Variants in PTPRN2 observed in about 807,000 individuals in gnomAD.
The protein encoded by PTPRN2 is receptor-type tyrosine-protein phosphatase N2.
PTPRN2 carries 74 observed loss-of-function variants against 118.8 expected under a neutral mutation model. The ratio of observed to expected loss-of-function variants is 0.62; its 90% confidence interval spans 0.52 to 0.76. The LOEUF is 0.76. Among genes scored for constraint, PTPRN2 ranks in the 30% least tolerant of loss-of-function variants. PTPRN2 has a pLI of 0.00. For missense variants in PTPRN2, 1,481 were observed against 1,394.4 expected (o/e 1.06, Z -0.99); for synonymous variants, 641 against 608.0 (o/e 1.05, Z -0.80).
intron 9 of PTPRN2, among the ~76,000 whole-genome samples, chr7:158,125,411 CCAG>C (rs980928104): frequency 2.6e-5 from 4 of 152,224 alleles, no homozygotes; most frequent in Non-Finnish European, 5.9e-5. Flanking sequence ...ACGGCCGCTC[CCAG>C]CAGGATGGGC....
intron 19 of PTPRN2, among the ~76,000 whole-genome samples, chr7:157,575,811 TTCC>T (rs1385006668): frequency 6.6e-6 from 1 of 152,246 alleles, no homozygotes; most frequent in Admixed American, 6.5e-5. Flanking sequence ...TTTGTCTCTT[TTCC>T]TCAATAGGTA....
chr7:158,314,323 T>C (rs1802111795), intron 3 of PTPRN2, among the ~76,000 whole-genome samples: 1 of 152,140 alleles, frequency 6.6e-6, no homozygotes, highest in African/African-American at 2.4e-5. Context: ...CTCAAGATAA[T>C]AAAGTGAAGG....
At chr7:157,914,903 T>C (rs1369135859) in intron 11 of PTPRN2, among the ~76,000 whole-genome samples, 2 of 152,146 alleles carry the variant, frequency 1.3e-5, no homozygotes, top group Non-Finnish European at 2.9e-5. Context: ...ATACTTTACT[T>C]CTCTAATTCT....
At chr7:158,335,400 G>A (rs1805365663) in intron 2 of PTPRN2, among the ~76,000 whole-genome samples, 3 of 17,510 alleles carry the variant, frequency 1.7e-4, no homozygotes, top group Non-Finnish European at 5.0e-4. Flanking sequence ...GACACCTGCA[G>A]ACGTCACTCA....
At chr7:157,642,814 C>CGAAAA (rs1804758074) in intron 14 of PTPRN2, among the ~76,000 whole-genome samples, 1 of 24,204 alleles carries the variant, frequency 4.1e-5, no homozygotes, top group Non-Finnish European at 8.4e-5. Context: ...CAAGAAACAG[C>CGAAAA]AAAAAAAAAA....
intron 12 of PTPRN2, among the ~76,000 whole-genome samples, chr7:157,888,383 C>T (rs1468244501): frequency 1.6e-4 from 24 of 152,122 alleles, no homozygotes; most frequent in Admixed American, 1.5e-3. Flanking sequence ...GTGATCTCTT[C>T]CTTCAGATAC....
chr7:157,598,920 A>G lies in PTPRN2; in HGVS notation c.2419-3605T>C, dbSNP rs1325285071. Among the ~76,000 whole-genome samples the G allele has an allele frequency of 2.0e-5, 3 of 152,214 alleles. No individual in the cohort carries two copies. Among genetic ancestry groups the G allele is most frequent in the Non-Finnish European group, 4.4e-5 (3 of 68,034 alleles). On this transcript the variant is annotated intron_variant, in intron 16 of 22. Transcript: ENST00000389418. The surrounding 1 kb of genome is among the most constrained non-coding windows in gnomAD (Gnocchi z 5.2). ...ACACATCCCGCCTAGAGAGGCCGGT[A>G]CCACAGAGAATCCAGTGTGACTCAC... is the stretch of plus-strand genomic sequence containing the variant.
At chr7:157,913,070 T>C (rs917295119) in intron 11 of PTPRN2, among the ~76,000 whole-genome samples, 1 of 152,236 alleles carries the variant, frequency 6.6e-6, no homozygotes, top group South Asian at 2.1e-4. Flanking sequence ...AACATGTAAA[T>C]CTCTCCATTT....
rs1054283283 is a variant in PTPRN2, at chr7:157,676,825, G to A, written c.2001+5900C>T. ...AGGGGGTGCCTAGGAACAGGGGCTC[G>A]GAAGGACCTGCTGTGCATGCAGGGG... is the stretch of plus-strand genomic sequence containing the variant. On this transcript the variant is annotated intron_variant, in intron 13 of 22. Coordinates refer to ENST00000389418, the MANE Select transcript of PTPRN2 (RefSeq NM_002847.5). This position sits in a 1 kb window ranked among gnomAD's most constrained non-coding sequence, Gnocchi z 5.6. Among the ~76,000 whole-genome samples, 6 of 152,180 alleles carry A rather than the reference G, an allele frequency of 3.9e-5. No individual in the cohort carries two copies. The highest frequency in any genetic ancestry group is 6.5e-5 in the Admixed American group (1 of 15,280).
intron 10 of PTPRN2, among the ~76,000 whole-genome samples, chr7:158,107,723 G>A (rs567895780): frequency 1.5e-4 from 23 of 152,194 alleles, no homozygotes; most frequent in African/African-American, 5.5e-4. Context: ...GTCACCCAGT[G>A]GCCACCCACT....
intron 2 of PTPRN2, among the ~76,000 whole-genome samples, chr7:158,433,802 T>A (rs1816390676): frequency 2.0e-5 from 3 of 152,200 alleles, no homozygotes; most frequent in Admixed American, 1.3e-4. Flanking sequence ...TCTTTTCTAA[T>A]AAAAGCATCT....
chr7:157,804,404 G>A (rs1434079996), intron 12 of PTPRN2, among the ~76,000 whole-genome samples: 1 of 152,204 alleles, frequency 6.6e-6, no homozygotes, highest in Non-Finnish European at 1.5e-5. Context: ...GTCAGACCAA[G>A]TTCTAGGGAC....
chr7:158,112,619 CAG>C (rs1816377076), intron 9 of PTPRN2, among the ~76,000 whole-genome samples: 2 of 152,330 alleles, frequency 1.3e-5, no homozygotes, highest in East Asian at 1.9e-4. Flanking sequence ...GTGGTGCTGA[CAG>C]AGTCAGGAGT....
At chr7:157,821,635 A>C (rs1192020296) in intron 12 of PTPRN2, among the ~76,000 whole-genome samples, 1 of 152,162 alleles carries the variant, frequency 6.6e-6, no homozygotes, top group Non-Finnish European at 1.5e-5. Flanking sequence ...AGCACCATGA[A>C]ATCACAGCTG....
chr7:158,516,120 A>C (rs977176404), intron 1 of PTPRN2, among the ~76,000 whole-genome samples: 1 of 152,124 alleles, frequency 6.6e-6, no homozygotes, highest in African/African-American at 2.4e-5. Flanking sequence ...AAGGCCTCCT[A>C]AGGAGTCTCC....
At chr7:158,434,586 G>GT (rs1305297135) in intron 2 of PTPRN2, among the ~76,000 whole-genome samples, 5 of 151,916 alleles carry the variant, frequency 3.3e-5, no homozygotes, top group Non-Finnish European at 5.9e-5. Context: ...GTGTGGTTTT[G>GT]TTTTTTAGTG....
chr7:157,985,737 C>T (rs550656771), intron 11 of PTPRN2, among the ~76,000 whole-genome samples: 35 of 152,330 alleles, frequency 2.3e-4, no homozygotes, highest in African/African-American at 7.7e-4. Context: ...GCACAGCCAG[C>T]GCTGCTCTTG....
intron 2 of PTPRN2, among the ~76,000 whole-genome samples, chr7:158,368,461 A>C (rs1037901442): frequency 6.6e-6 from 1 of 152,228 alleles, no homozygotes. Flanking sequence ...GACCAGGTAG[A>C]TGAAGTAGGG....
At chr7:158,532,532 G>A (rs1825326165) in intron 1 of PTPRN2, among the ~76,000 whole-genome samples, 1 of 152,118 alleles carries the variant, frequency 6.6e-6, no homozygotes, top group Non-Finnish European at 1.5e-5. Flanking sequence ...GGAGCGTGGT[G>A]GACCGTGCGT....
Sources: allele counts gnomAD v4.1 joint callset (sites outside exome capture counted in the v4.1 genomes callset), GRCh38; gene constraint gnomAD v4.1.1; non-coding constraint Gnocchi (gnomAD v3.1); transcripts MANE v1.5; gene names NCBI Gene and HGNC (gene_info 2026-07-23, HGNC 2026-07-21).